Variants in BIRC6 observed in about 807,000 individuals in gnomAD.
BIRC6 encodes the protein baculoviral IAP repeat containing 6.
A neutral mutation model predicts 503.3 loss-of-function variants in BIRC6; 98 were observed. That is an observed-to-expected ratio of 0.19 (90% CI 0.17 to 0.23). BIRC6 has a LOEUF of 0.23. Ranked by LOEUF, BIRC6 falls within the 10% of genes least tolerant of loss-of-function variation. The pLI, the probability that BIRC6 is intolerant of heterozygous loss-of-function variation, is 1.00. For missense variants in BIRC6, 5,360 were observed against 5,806.0 expected (o/e 0.92, Z 2.50); for synonymous variants, 2,240 against 2,078.7 (o/e 1.08, Z -2.11).
intron 23 of BIRC6, among the ~76,000 whole-genome samples, chr2:32,461,022 CT>C (rs2047854040): frequency 1.5e-5 from 1 of 66,566 alleles, no homozygotes. Flanking sequence ...CTTCTCTTCT[CT>C]TCTCTTCTCT....
intron 54 of BIRC6, among the ~76,000 whole-genome samples, chr2:32,514,657 G>T (rs2054822181): frequency 6.6e-6 from 1 of 152,106 alleles, no homozygotes; most frequent in African/African-American, 2.4e-5. Flanking sequence ...GTAAACATTT[G>T]TTTGGCATGA....
At chr2:32,455,436 C>CA (rs1210788776) in intron 23 of BIRC6, among the ~76,000 whole-genome samples, 6 of 147,180 alleles carry the variant, frequency 4.1e-5, no homozygotes, top group African/African-American at 1.5e-4. Context: ...GCCTGGTCAA[C>CA]ATGGCGAAAC....
chr2:32,501,609 G>C, intron 46 of BIRC6, 104 bp from the exon 47 acceptor site: 2 of 890,884 alleles, frequency 2.2e-6, no homozygotes, highest in Non-Finnish European at 3.3e-6. Context: ...GAAGTCAGGT[G>C]ATCCACCTGC....
At chr2:32,453,998 G>T in intron 23 of BIRC6, 56 bp downstream of exon 23, 5 of 1,283,870 alleles carry the variant, frequency 3.9e-6, no homozygotes, top group African/African-American at 1.5e-5. Context: ...GTAATAAAGT[G>T]ATATTTATAT....
At chr2:32,542,927 G>A (rs891229844) in intron 61 of BIRC6, among the ~76,000 whole-genome samples, 1 of 152,096 alleles carries the variant, frequency 6.6e-6, no homozygotes, top group Non-Finnish European at 1.5e-5. Context: ...AGCCTCCTGA[G>A]TAGCTGGGAC....
In BIRC6 at chr2:32,505,205, A is replaced by G. The variant is rs145710636; in HGVS notation, c.9700A>G (p.Thr3234Ala). The G allele has an allele frequency of 9.0e-6, 14 of 1,553,362 alleles. No individual in the cohort carries two copies. The highest frequency in any genetic ancestry group is 1.1e-5 in the Non-Finnish European group (13 of 1,145,024). ...CCAGCCTCATCTTGCATCTCTTGCA[A>G]GTGAGTAATATTTTATAAAGAAGCA... ...HIQPHLASLA[T>A]CPSSVSVEVS... Residue 3234 changes from threonine (T) to alanine (A), a missense_variant and splice_region_variant, in exon 50 of 74, where the codon ACC becomes GCC. Coordinates refer to ENST00000421745, the MANE Select transcript of BIRC6 (RefSeq NM_016252.4).
At chr2:32,526,500 G>C (rs772631877) in intron 59 of BIRC6, 1 of 152,210 alleles carries the variant, frequency 6.6e-6, no homozygotes, top group African/African-American at 2.4e-5. Context: ...AGCTGTTGGA[G>C]AAACTGGACA....
At chr2:32,540,830 G>T (rs2057607792) in intron 61 of BIRC6, among the ~76,000 whole-genome samples, 1 of 151,870 alleles carries the variant, frequency 6.6e-6, no homozygotes, top group Non-Finnish European at 1.5e-5. Context: ...TCTTAATGTT[G>T]ACTAGCATTT....
chr2:32,545,231 G>A (rs544656634), intron 62 of BIRC6, among the ~76,000 whole-genome samples: 23 of 152,064 alleles, frequency 1.5e-4, no homozygotes, highest in African/African-American at 5.3e-4. Flanking sequence ...GAACACTGTT[G>A]GGAAAAAAAT....
intron 36 of BIRC6, among the ~76,000 whole-genome samples, 176 bp from the exon 37 acceptor site, chr2:32,479,286 T>C (rs2050117777): frequency 6.6e-6 from 1 of 152,248 alleles, no homozygotes; most frequent in Non-Finnish European, 1.5e-5. Context: ...CATTTGAAAG[T>C]AATGGAGTGA....
At chr2:32,528,188 G>A (rs1319261290) in intron 59 of BIRC6, 2 of 151,624 alleles carry the variant, frequency 1.3e-5, no homozygotes, top group South Asian at 4.2e-4. Flanking sequence ...CATCATAGGT[G>A]AAGACTGAAA....
At chr2:32,413,578 C>T (rs561621691) in intron 9 of BIRC6, among the ~76,000 whole-genome samples, 10 of 152,068 alleles carry the variant, frequency 6.6e-5, no homozygotes, top group African/African-American at 2.4e-4. Flanking sequence ...CTCAACCTCC[C>T]AAAGTGCTAG....
intron 65 of BIRC6, among the ~76,000 whole-genome samples, chr2:32,556,016 A>G (rs1417953437): frequency 6.6e-6 from 1 of 151,862 alleles, no homozygotes; most frequent in Non-Finnish European, 1.5e-5. Context: ...TGTGACAGTT[A>G]GCTGAGCAGT....
chr2:32,575,778 G>A (rs1209267724), intron 66 of BIRC6, among the ~76,000 whole-genome samples: 139 of 150,216 alleles, frequency 9.3e-4, no homozygotes, highest in Non-Finnish European at 1.7e-3. Context: ...AAAAAAAAAA[G>A]AAAGAAACAT....
rs528694451 is a variant in BIRC6, at chr2:32,578,828, A to G, written c.13355+3462A>G. ...AATACATACATACATACATACATAC[A>G]TACATACTATGTATCACACACTCAG... On this transcript the variant is annotated intron_variant, in intron 66 of 73. Transcript: ENST00000421745. Among the ~76,000 whole-genome samples the G allele has an allele frequency of 3.3e-5, 5 of 151,166 alleles. No homozygotes were observed. The South Asian group carries it at 1.0e-3, about 32-fold the overall frequency.
intron 57 of BIRC6, among the ~76,000 whole-genome samples, chr2:32,523,704 T>C (rs1464099147): frequency 6.6e-6 from 1 of 152,226 alleles, no homozygotes; most frequent in African/African-American, 2.4e-5. Flanking sequence ...TGTTTTATTG[T>C]CTCAACCTTT....
intron 66 of BIRC6, among the ~76,000 whole-genome samples, chr2:32,584,733 A>G (rs2060914461): frequency 6.6e-6 from 1 of 152,028 alleles, no homozygotes; most frequent in Admixed American, 6.6e-5. Flanking sequence ...TCTTTATTTT[A>G]TTTCAGAGGA....
At chr2:32,600,755 C>T (rs189923471) in intron 70 of BIRC6, among the ~76,000 whole-genome samples, 71 of 152,252 alleles carry the variant, frequency 4.7e-4, no homozygotes, top group Admixed American at 2.4e-3. Context: ...TCATACTTAC[C>T]GATGTGTTCC....
chr2:32,457,073 C>T (rs2148703694), intron 23 of BIRC6, among the ~76,000 whole-genome samples: 1 of 152,218 alleles, frequency 6.6e-6, no homozygotes, highest in South Asian at 2.1e-4. Context: ...ATCTTTTTAT[C>T]TTTAAGTTTG....
Sources: allele counts gnomAD v4.1 joint callset (sites outside exome capture counted in the v4.1 genomes callset), GRCh38; gene constraint gnomAD v4.1.1; transcripts MANE v1.5; gene names NCBI Gene and HGNC (gene_info 2026-07-23, HGNC 2026-07-21).